MATN3: variants seen among roughly 807,000 people sequenced by gnomAD.
MATN3 encodes matrilin 3, also known as matrilin-3.
A neutral mutation model predicts 45.3 loss-of-function variants in MATN3; 48 were observed. The ratio of observed to expected loss-of-function variants is 1.06; its 90% CI spans 0.84 to 1.35. The LOEUF (loss-of-function observed/expected upper bound fraction) is 1.35. Ranked by LOEUF, MATN3 falls within the 40% of genes most tolerant of loss-of-function variation. MATN3 has a pLI of 0.00. For synonymous variants in MATN3, 217 were observed against 245.9 expected, an observed-to-expected ratio of 0.88 and a Z score of 1.10; for missense variants, 599 against 628.0, an observed-to-expected ratio of 0.95 and a Z score of 0.49.
chr2:20,003,135 G>A, intron 3 of MATN3, 26 bp downstream of exon 3: 1 of 1,612,758 alleles, frequency 6.2e-7, no homozygotes, highest in Non-Finnish European at 8.5e-7. Context: ...ATTTGATTCA[G>A]TCACGGCCCC....
At position 19,992,851 on chromosome 2, in the gene MATN3, T is replaced by C; in HGVS notation, c.*260A>G. On this transcript the variant is annotated 3_prime_UTR_variant, in exon 8 of 8. Coordinates refer to ENST00000407540, the MANE Select transcript of MATN3 (RefSeq NM_002381.5). ...AAGAAACACTAAACTTTTCATTCTA[T>C]TTCCTACCAATCATTTCACAGTCAT... 2.3e-6 allele frequency: 1 copy of C among 429,454 alleles called. No individual in the cohort carries two copies. Among genetic ancestry groups the C allele is most frequent in the Non-Finnish European group, 4.1e-6 (1 of 244,712 alleles). The allele number at this position is 429,454 out of a possible 1,614,324, so 26.6% of individuals were successfully genotyped here.
At chr2:20,009,470 C>T (rs1053716411) in intron 1 of MATN3, among the ~76,000 whole-genome samples, 14 of 151,876 alleles carry the variant, frequency 9.2e-5, no homozygotes, top group Non-Finnish European at 1.6e-4. Context: ...CACACACCAG[C>T]GCCTGTCAGG....
At chr2:20,004,851 T>C (rs1488024195) in intron 2 of MATN3, among the ~76,000 whole-genome samples, 1 of 152,130 alleles carries the variant, frequency 6.6e-6, no homozygotes, top group Non-Finnish European at 1.5e-5. Context: ...TCACCTGAAC[T>C]AGAAATTTGT....
chr2:20,007,253 C>T (rs529675131), intron 1 of MATN3, among the ~76,000 whole-genome samples: 7 of 151,458 alleles, frequency 4.6e-5, no homozygotes, highest in South Asian at 2.1e-4. Context: ...GGGGCCCGGG[C>T]GCGGTGGCTC....
intron 1 of MATN3, among the ~76,000 whole-genome samples, chr2:20,007,424 G>A (rs1381688880): frequency 2.0e-5 from 3 of 152,046 alleles, no homozygotes; most frequent in East Asian, 3.9e-4. Context: ...AGCTACTCGG[G>A]AGGCTGAGGC....
At chr2:19,998,302 G>A (rs1390194734) in intron 5 of MATN3, among the ~76,000 whole-genome samples, 1 of 151,990 alleles carries the variant, frequency 6.6e-6, no homozygotes, top group Non-Finnish European at 1.5e-5. Flanking sequence ...CCACTCTACA[G>A]GTGGCAAATG....
At position 20,006,232 on chromosome 2, in the gene MATN3, T is replaced by C; in HGVS notation, c.302A>G (p.Lys101Arg). 3 of 1,612,616 alleles carry C rather than the reference T, an allele frequency of 1.9e-6. No individual in the cohort carries two copies. Among genetic ancestry groups the C allele is most frequent in the Non-Finnish European group, 2.5e-6 (3 of 1,179,412 alleles). ...SRSVRPLEFTKVKTFVSRIID... is the reference protein window; with the variant it reads ...SRSVRPLEFTRVKTFVSRIID... ...TATCCGGGAGACAAAAGTTTTCACT[T>C]TGGTGAATTCCAGGGGCCGTACGCT... Residue 101 changes from lysine (K) to arginine (R), a missense_variant, in exon 2 of 8, where the codon AAA (lysine) becomes AGA (arginine). By Grantham distance (26) the Lys-to-Arg change is conservative. Coordinates refer to ENST00000407540, the MANE Select transcript of MATN3 (RefSeq NM_002381.5).
intron 4 of MATN3, among the ~76,000 whole-genome samples, chr2:20,001,145 G>A (rs546612726): frequency 1.3e-5 from 2 of 152,230 alleles, no homozygotes; most frequent in African/African-American, 4.8e-5. Flanking sequence ...TGCAAAAACA[G>A]TGCAAAAAAT....
intron 1 of MATN3, among the ~76,000 whole-genome samples, chr2:20,011,534 G>A (rs1441194027): frequency 6.6e-6 from 1 of 152,214 alleles, no homozygotes; most frequent in Non-Finnish European, 1.5e-5. Context: ...GGCATGCAGC[G>A]TGGCTGGCCA....
rs1673099530 is a variant in MATN3 at position 20,006,056 on chromosome 2, T to C, written c.478A>G (p.Thr160Ala). ...GTCTGGATGGCTAGGCCTGACATGGTGCCTGTTGACAAGGGTGTGATTCGA... is the reference window on the plus strand; with the variant it reads ...GTCTGGATGGCTAGGCCTGACATGGCGCCTGTTGACAAGGGTGTGATTCGA... ...VGRITPLSTGTMSGLAIQTAM... is the reference protein window; with the variant it reads ...VGRITPLSTGAMSGLAIQTAM... The change falls in exon 2 of 8, where the codon ACC (threonine) becomes GCC (alanine). Residue 160 changes from threonine (T) to alanine (A), a missense_variant. Coordinates refer to ENST00000407540, the MANE Select transcript of MATN3 (RefSeq NM_002381.5). The C allele has an allele frequency of 6.2e-7, 1 of 1,614,020 alleles. No homozygotes were observed. The highest frequency in any genetic ancestry group is 8.5e-7 in the Non-Finnish European group (1 of 1,179,884).
chr2:20,005,681 C>T, intron 2 of MATN3, 63 bp downstream of exon 2: 1 of 1,282,448 alleles, frequency 7.8e-7, no homozygotes, highest in Non-Finnish European at 1.1e-6. Context: ...ACTCTTTTCT[C>T]TGGGTACACA....
Position 20,012,348 on chromosome 2 carries a change from T to G in MATN3, c.223+61A>C. On this transcript the variant is annotated intron_variant, in intron 1 of 7. Coordinates refer to ENST00000407540, the MANE Select transcript of MATN3 (RefSeq NM_002381.5). This position sits in a 1 kb window ranked among gnomAD's most constrained non-coding sequence, Gnocchi z 4.3. ...TGAGGCCGGGATGAAGCGCGCTTGG[T>G]GGATGCCCTGGGCTTCTCCTCGTTC... The G allele has an allele frequency of 5.1e-6, 6 of 1,184,430 alleles. No individual in the cohort carries two copies. Among genetic ancestry groups the G allele is most frequent in the Non-Finnish European group, 6.3e-6 (6 of 946,738 alleles). The allele number at this position is 1,184,430 out of a possible 1,614,324, so 73.4% of individuals were successfully genotyped here. A position where few individuals can be genotyped will look rare whatever the true frequency, so the allele number is the denominator to read the frequency against.
intron 5 of MATN3, among the ~76,000 whole-genome samples, chr2:19,998,861 G>A (rs1672930778): frequency 6.6e-6 from 1 of 152,120 alleles, no homozygotes; most frequent in Admixed American, 6.5e-5. Flanking sequence ...CATTAAGACA[G>A]TAAGGCTTAG....
Position 19,997,171 on chromosome 2 carries a change from AG to A in MATN3, c.1256del (p.Pro419LeufsTer5). 19 of 1,613,988 alleles carry A rather than the reference AG, an allele frequency of 1.2e-5. No individual in the cohort carries two copies. Among genetic ancestry groups the A allele is most frequent in the Non-Finnish European group, 1.6e-5 (19 of 1,179,870 alleles). On this transcript the variant is annotated frameshift_variant, in exon 6 of 8. Transcript: ENST00000407540. LOFTEE classifies it high-confidence loss of function. The part of the protein sequence containing the change: ...GAASYHCDCY[P>X]GYTLNEDKKT... The stretch of plus-strand genomic sequence containing the variant: ...TCTTGTCCTCATTTAAGGTGTAGCC[AG>A]GATAGCAATCACAGTGGTAGGATGC...
chr2:19,996,722 T>C (rs540671242), intron 6 of MATN3, among the ~76,000 whole-genome samples: 1 of 152,352 alleles, frequency 6.6e-6, no homozygotes, highest in African/African-American at 2.4e-5. Context: ...TGGGCAGTTA[T>C]TGTTTCATCG....
chr2:20,003,143 C>T lies in MATN3; in HGVS notation c.916+18G>A, dbSNP rs1162614727. The T allele has an allele frequency of 3.1e-6, 5 of 1,613,578 alleles. No homozygotes were observed. Among genetic ancestry groups the T allele is most frequent in the Non-Finnish European group, 4.2e-6 (5 of 1,179,632 alleles). On this transcript the variant is annotated intron_variant, in intron 3 of 7. Coordinates refer to ENST00000407540, the MANE Select transcript of MATN3 (RefSeq NM_002381.5). ...CCCAAGTATTTGATTCAGTCACGGC[C>T]CCCTACACAGGCCTCACCTGAACAC... is the stretch of plus-strand genomic sequence containing the variant.
At position 19,995,145 on chromosome 2, in the gene MATN3, T is replaced by C. The variant is rs117176854; in HGVS notation, c.1295-736A>G. Reference sequence around the variant, plus strand: ...GACAATAGTCCTCTATTTGTATGGCTAAAATATACCAAAGATGAAAACTAG... The same window carrying C: ...GACAATAGTCCTCTATTTGTATGGCCAAAATATACCAAAGATGAAAACTAG... On this transcript the variant is annotated intron_variant, in intron 6 of 7. Coordinates refer to ENST00000407540, the MANE Select transcript of MATN3 (RefSeq NM_002381.5). This position sits in a 1 kb window ranked among gnomAD's most constrained non-coding sequence, Gnocchi z 4.2. Among the ~76,000 whole-genome samples the C allele has an allele frequency of 7.9e-4, 120 of 152,142 alleles. No homozygotes were observed. In the East Asian group the frequency reaches 0.022, roughly 28 times the overall value.
intron 1 of MATN3, among the ~76,000 whole-genome samples, chr2:20,011,369 G>T (rs1034732837): frequency 6.6e-6 from 1 of 152,228 alleles, no homozygotes; most frequent in Non-Finnish European, 1.5e-5. Flanking sequence ...TGTGGACCCC[G>T]GTACCTCCTG....
intron 5 of MATN3, among the ~76,000 whole-genome samples, chr2:19,998,097 G>T (rs1672914502): frequency 6.6e-6 from 1 of 152,208 alleles, no homozygotes; most frequent in Non-Finnish European, 1.5e-5. Context: ...TTCATGGGCA[G>T]AACCTTTTGT....
Sources: gnomAD v4.1 joint callset for allele counts (sites outside exome capture counted in the v4.1 genomes callset) on GRCh38, gnomAD v4.1.1 for gene constraint, Gnocchi (gnomAD v3.1) non-coding constraint, MANE v1.5 for transcripts, NCBI Gene and HGNC (gene_info 2026-07-23, HGNC 2026-07-21) for gene names.